KALRN: variants seen among roughly 807,000 people sequenced by gnomAD.
KALRN encodes the protein kalirin RhoGEF kinase.
In KALRN, 70 loss-of-function variants were observed where a neutral mutation model predicts 353.7. The ratio of observed to expected loss-of-function variants is 0.20; its 90% CI spans 0.16 to 0.24. The LOEUF (loss-of-function observed/expected upper bound fraction) is 0.24, where lower values mean the gene tolerates loss of function less well. KALRN is among the 10% of genes least tolerant of loss of function. The probability of loss-of-function intolerance (pLI) is 1.00; values close to 1 mark genes in which losing one functional copy is unlikely to be tolerated. For synonymous variants in KALRN, 1,391 were observed against 1,434.8 expected (o/e 0.97, Z 0.69); for missense variants, 2,791 against 3,756.7 (o/e 0.74, Z 6.72).
At chr3:124,319,710 A>G (rs754130171) in intron 6 of KALRN, among the ~76,000 whole-genome samples, 1 of 151,944 alleles carries the variant, frequency 6.6e-6, no homozygotes, top group Non-Finnish European at 1.5e-5. Flanking sequence ...ATAAGTATTC[A>G]GGCCAGGCGC....
Position 124,488,300 on chromosome 3 carries a change from G to A in KALRN, c.4381G>A (p.Val1461Ile). 1 of 1,611,518 alleles carries A rather than the reference G, an allele frequency of 6.2e-7. No individual in the cohort carries two copies. Among genetic ancestry groups the A allele is most frequent in the Non-Finnish European group, 8.5e-7 (1 of 1,177,588 alleles). Residue 1461 changes from valine (V) to isoleucine (I), a missense_variant, in exon 29 of 60, where the codon GTC becomes ATC. Physicochemically the swap from Val to Ile is conservative, Grantham distance 29. Transcript: ENST00000682506. Reference protein sequence around the residue: ...VPKKANDAMHVSMLEGFDENL... With the variant: ...VPKKANDAMHISMLEGFDENL... ...AAAGAAAGCCAATGATGCCATGCATGTCAGCATGCTGGAAGGTAGCTGTCC... is the reference window on the plus strand; with the variant it reads ...AAAGAAAGCCAATGATGCCATGCATATCAGCATGCTGGAAGGTAGCTGTCC...
intron 10 of KALRN, among the ~76,000 whole-genome samples, chr3:124,376,727 G>A (rs576244880): frequency 6.6e-6 from 1 of 152,176 alleles, no homozygotes; most frequent in Non-Finnish European, 1.5e-5. Context: ...ACTGGGAAAT[G>A]TGACACCTTA....
chr3:124,689,093 T>C (rs2061692000), intron 51 of KALRN, among the ~76,000 whole-genome samples: 1 of 152,274 alleles, frequency 6.6e-6, no homozygotes, highest in Non-Finnish European at 1.5e-5. Flanking sequence ...ACACCAGCCC[T>C]GTCCTCCCGG....
intron 7 of KALRN, among the ~76,000 whole-genome samples, chr3:124,327,451 T>G (rs1428307232): frequency 6.6e-6 from 1 of 152,206 alleles, no homozygotes; most frequent in Non-Finnish European, 1.5e-5. Flanking sequence ...AAAAGCATCC[T>G]GTGAGAATCA....
At chr3:124,387,415 A>G (rs570422170) in intron 11 of KALRN, among the ~76,000 whole-genome samples, 1 of 152,234 alleles carries the variant, frequency 6.6e-6, no homozygotes, top group Non-Finnish European at 1.5e-5. Flanking sequence ...GTTCATAGCC[A>G]TGATAATTCT....
chr3:124,446,348 C>A, intron 20 of KALRN, 72 bp downstream of exon 20: 1 of 1,113,624 alleles, frequency 9.0e-7, no homozygotes. Flanking sequence ...AAGGCTTAGT[C>A]CAGAAGAGGG....
intron 5 of KALRN, among the ~76,000 whole-genome samples, chr3:124,291,664 A>G (rs1300928897): frequency 1.3e-5 from 2 of 152,198 alleles, no homozygotes; most frequent in Non-Finnish European, 2.9e-5. Context: ...GGGGATCCGT[A>G]GCATGTTTAC....
intron 1 of KALRN, among the ~76,000 whole-genome samples, chr3:124,113,307 A>G (rs980859034): frequency 1.3e-5 from 2 of 152,210 alleles, no homozygotes; most frequent in African/African-American, 4.8e-5. Context: ...TAAAGGCTCA[A>G]TAAGTGTTAG....
At chr3:124,035,949 G>A (rs1186249654) in intron 1 of KALRN, among the ~76,000 whole-genome samples, 1 of 152,224 alleles carries the variant, frequency 6.6e-6, no homozygotes, top group Non-Finnish European at 1.5e-5. Flanking sequence ...GTAGGTCAAG[G>A]ACTACATCCA....
intron 3 of KALRN, among the ~76,000 whole-genome samples, chr3:124,235,838 C>T (rs1377446091): frequency 3.3e-5 from 5 of 152,196 alleles, no homozygotes; most frequent in African/African-American, 4.8e-5. Context: ...TGTCTCTGTG[C>T]ATTTTATAGA....
At chr3:124,170,025 G>A (rs1384804838) in intron 1 of KALRN, among the ~76,000 whole-genome samples, 1 of 152,216 alleles carries the variant, frequency 6.6e-6, no homozygotes, top group African/African-American at 2.4e-5. Flanking sequence ...ACTCAACCAA[G>A]AGCATTTCAG....
At chr3:124,640,178 G>C (rs781640083) in intron 37 of KALRN, among the ~76,000 whole-genome samples, 2 of 152,028 alleles carry the variant, frequency 1.3e-5, no homozygotes, top group East Asian at 3.8e-4. Context: ...TCACAGGCTT[G>C]GTTAATGAAA....
At chr3:124,351,585 A>G (rs1445533651) in intron 10 of KALRN, among the ~76,000 whole-genome samples, 1 of 152,182 alleles carries the variant, frequency 6.6e-6, no homozygotes. Flanking sequence ...GGGAATGGCT[A>G]CCCACGGGGA....
At chr3:124,646,800 C>T (rs1438048673) in intron 37 of KALRN, among the ~76,000 whole-genome samples, 5 of 150,402 alleles carry the variant, frequency 3.3e-5, no homozygotes, top group Non-Finnish European at 5.9e-5. Context: ...CATAAATCAT[C>T]ATCTAGACAT....
At chr3:124,534,814 A>C (rs2068375283) in intron 33 of KALRN, among the ~76,000 whole-genome samples, 1 of 152,132 alleles carries the variant, frequency 6.6e-6, no homozygotes, top group Non-Finnish European at 1.5e-5. Flanking sequence ...AAATATAAGA[A>C]ACAATAATTT....
chr3:124,709,086 A>G (rs1289678211), intron 57 of KALRN, among the ~76,000 whole-genome samples: 1 of 152,118 alleles, frequency 6.6e-6, no homozygotes, highest in Non-Finnish European at 1.5e-5. Flanking sequence ...AGTTGAGGAA[A>G]ATCTTTAAAA....
At chr3:124,472,749 G>T (rs1424764956) in intron 25 of KALRN, among the ~76,000 whole-genome samples, 1 of 151,884 alleles carries the variant, frequency 6.6e-6, no homozygotes, top group Non-Finnish European at 1.5e-5. Context: ...CACTTTAATG[G>T]TCATATAAAG....
intron 3 of KALRN, 88 bp from the exon 4 acceptor site, chr3:124,264,410 G>T: frequency 9.5e-7 from 1 of 1,048,702 alleles, no homozygotes; most frequent in South Asian, 1.6e-5. Context: ...TGGTCAAGGG[G>T]AGTGCAGGTT....
At chr3:124,711,667 T>A (rs2062894362) in intron 57 of KALRN, among the ~76,000 whole-genome samples, 1 of 152,196 alleles carries the variant, frequency 6.6e-6, no homozygotes, top group Non-Finnish European at 1.5e-5. Flanking sequence ...GTGGGTAATT[T>A]TGTCAGATGC....
Sources: gnomAD v4.1 joint callset for allele counts (sites outside exome capture counted in the v4.1 genomes callset) on GRCh38, gnomAD v4.1.1 for gene constraint, MANE v1.5 for transcripts, NCBI Gene and HGNC (gene_info 2026-07-23, HGNC 2026-07-21) for gene names.